Variants in ZNF226 observed in about 807,000 individuals in gnomAD.
ZNF226 encodes the protein Kruppel-associated box protein.
A neutral mutation model predicts 11.4 loss-of-function variants in ZNF226; 6 were observed. The ratio of observed to expected loss-of-function variants is 0.53; its 90% CI spans 0.29 to 1.04. The LOEUF is 1.04. Among genes scored for constraint, ZNF226 ranks in the 50% least tolerant of loss-of-function variants. The pLI is 0.08. For synonymous variants in ZNF226, 350 were observed against 322.8 expected (o/e 1.08, Z -0.90); for missense variants, 1,058 against 956.5 (o/e 1.11, Z -1.40).
chr19:44,172,314 A>G, intron 4 of ZNF226, 100 bp downstream of exon 4: 2 of 1,471,740 alleles, frequency 1.4e-6, no homozygotes, highest in Non-Finnish European at 1.8e-6. Context: ...TGACTTTCCT[A>G]ATTTTTGTGG....
Position 44,173,160 on chromosome 19 carries a change from G to C in ZNF226, c.235+208G>C, listed in dbSNP as rs1970306315. ...AGTGAGTTTTTGTTACCTTGTGTCAGACTATGTTGTTCTTCTGCTCAAAAT... is the reference window on the plus strand; with the variant it reads ...AGTGAGTTTTTGTTACCTTGTGTCACACTATGTTGTTCTTCTGCTCAAAAT... On this transcript the variant is annotated intron_variant, in intron 5 of 5. Transcript: ENST00000337433. 2.6e-5 allele frequency: 15 copies of C among 580,602 alleles called. No individual in the cohort carries two copies. The South Asian group carries it at 3.1e-4, about 12-fold the overall frequency. 36.0% of individuals were successfully genotyped at this position (580,602 alleles called of 1,614,324 possible).
At chr19:44,195,534 CT>C in the ZNF226 span, among the ~76,000 whole-genome samples, 1 of 152,252 alleles carries the variant, frequency 6.6e-6, no homozygotes, top group East Asian at 1.9e-4. Context: ...AAGACAAGGG[CT>C]TTTAAAGAAG....
chr19:44,176,424 GAGA>G lies in ZNF226; in HGVS notation c.1165_1167del (p.Lys389del). On this transcript the variant is annotated inframe_deletion, in exon 6 of 6. Coordinates refer to ENST00000337433, the MANE Select transcript of ZNF226 (RefSeq NM_001032373.2). ...GGACCATCAGAGACTCCACACTGGG[GAGA>G]AGCCATTCAAATGTGATGCATGTGG... The G allele has an allele frequency of 6.2e-7, 1 of 1,614,164 alleles. No homozygotes were observed. Among genetic ancestry groups the G allele is most frequent in the Non-Finnish European group, 8.5e-7 (1 of 1,180,028 alleles).
At chr19:44,170,129 A>G (rs769678062) in intron 3 of ZNF226, 34 bp downstream of exon 3, 24 of 1,608,284 alleles carry the variant, frequency 1.5e-5, no homozygotes, top group Non-Finnish European at 1.8e-5. Flanking sequence ...GCTGTTAAAA[A>G]TACCATTTTA....
chr19:44,189,159 A>G, the ZNF226 span, among the ~76,000 whole-genome samples: 1 of 152,234 alleles, frequency 6.6e-6, no homozygotes, highest in African/African-American at 2.4e-5. Flanking sequence ...TCAAAGCTGT[A>G]GGCCAGCATT....
rs1970692292 is a variant in ZNF226 at position 44,176,480 on chromosome 19, T to G, written c.1218T>G (p.Leu406=). ...AGAGCTTCAGTCGGAATTCACATCT[T>G]CAATCCCATCAAAGAGTTCATACAG... The part of the protein sequence containing the change: ...CGKSFSRNSH[L]QSHQRVHTGE... Residue 406 remains leucine, a synonymous_variant, in exon 6 of 6, where the codon CTT becomes CTG. Transcript: ENST00000337433. 5 of 1,614,116 alleles carry G rather than the reference T, an allele frequency of 3.1e-6. No homozygotes were observed. The South Asian group carries it at 4.4e-5, about 14-fold the overall frequency.
chr19:44,177,103 C>T lies in ZNF226; in HGVS notation c.1841C>T (p.Pro614Leu), dbSNP rs1197870434. The change falls in exon 6 of 6, where the codon CCA becomes CTA. Residue 614 changes from proline (P) to leucine (L), a missense_variant. Coordinates refer to ENST00000337433, the MANE Select transcript of ZNF226 (RefSeq NM_001032373.2). ...IHCRIHTGEK[P>L]YNCEECGKVF... is the part of the protein sequence containing the mutation. ...TGTAGGATCCACACAGGAGAGAAAC[C>T]ATATAATTGTGAGGAGTGTGGGAAG... 1 of 1,613,998 alleles carries T rather than the reference C, an allele frequency of 6.2e-7. No homozygotes were observed. The highest frequency in any genetic ancestry group is 8.5e-7 in the Non-Finnish European group (1 of 1,180,026).
intron 3 of ZNF226, among the ~76,000 whole-genome samples, chr19:44,170,733 C>CA (rs1969997800): frequency 6.6e-6 from 1 of 151,718 alleles, no homozygotes; most frequent in Admixed American, 6.6e-5. Flanking sequence ...GACTCCGTCT[C>CA]AAAAAAATAA....
At chr19:44,175,207 A>G in intron 5 of ZNF226, 1 of 1,412,338 alleles carries the variant, frequency 7.1e-7, no homozygotes, top group South Asian at 1.7e-5. Context: ...TATTGATACC[A>G]TATTATGGTA....
At chr19:44,194,308 ACT>A in the ZNF226 span, among the ~76,000 whole-genome samples, 1 of 152,062 alleles carries the variant, frequency 6.6e-6, no homozygotes, top group East Asian at 1.9e-4. Flanking sequence ...ACAAGGTCTC[ACT>A]CTGTTGCCCA....
rs34967576 is a variant in ZNF226 at position 44,168,998 on chromosome 19, C to CTTTTTTTTTTT, written c.-46-1019_-46-1009dup. Among the ~76,000 whole-genome samples the CTTTTTTTTTTT allele has an allele frequency of 1.8e-4, 16 of 90,804 alleles. 3 individuals are homozygous for CTTTTTTTTTTT. Among genetic ancestry groups the CTTTTTTTTTTT allele is most frequent in the African/African-American group, 7.1e-4 (12 of 16,814 alleles). The allele number at this position is 90,804 out of a possible 152,430, so 59.6% of individuals were successfully genotyped here. On this transcript the variant is annotated intron_variant, in intron 2 of 5. Transcript: ENST00000337433. ...TATAGACTCAGGTTCCTCCCTTTTCCTTTTTTTTTTTTTTTTTTTTTTTTT... is the reference window on the plus strand; with the variant it reads ...TATAGACTCAGGTTCCTCCCTTTTCCTTTTTTTTTTTTTTTTTTTTTTTTTTTTTTTTTTTT...
chr19:44,197,174 A>G, the ZNF226 span, among the ~76,000 whole-genome samples: 1 of 152,156 alleles, frequency 6.6e-6, no homozygotes, highest in Non-Finnish European at 1.5e-5. Flanking sequence ...TAGGCACACT[A>G]CATCCCATGG....
chr19:44,177,747 T>C (rs574039770), downstream of ZNF226: 40 of 1,457,466 alleles, frequency 2.7e-5, no homozygotes, highest in African/African-American at 4.8e-4. Flanking sequence ...CAGCCGTAGC[T>C]CCTCATGTCC....
chr19:44,192,499 T>TA, the ZNF226 span, among the ~76,000 whole-genome samples: 645 of 151,586 alleles, frequency 4.3e-3, 3 homozygotes, highest in Non-Finnish European at 7.6e-3. Context: ...TACGTAGATG[T>TA]AAAAAAAACA....
At chr19:44,182,266 A>T (rs1970916388), downstream of ZNF226, among the ~76,000 whole-genome samples, 1 of 152,152 alleles carries the variant, frequency 6.6e-6, no homozygotes, top group Non-Finnish European at 1.5e-5. Context: ...CTGTTAGGGG[A>T]TGCTCTATGC....
downstream of ZNF226, among the ~76,000 whole-genome samples, chr19:44,181,140 A>G (rs1970900869): frequency 6.6e-6 from 1 of 152,138 alleles, no homozygotes; most frequent in Non-Finnish European, 1.5e-5. Flanking sequence ...GCCCTTTGGG[A>G]GGCTGAGGTG....
At chr19:44,195,027 C>T in the ZNF226 span, among the ~76,000 whole-genome samples, 1 of 152,080 alleles carries the variant, frequency 6.6e-6, no homozygotes, top group Admixed American at 6.5e-5. Flanking sequence ...AATATAAAAC[C>T]GTGTTTGCAG....
At chr19:44,191,489 C>T in the ZNF226 span, among the ~76,000 whole-genome samples, 38 of 151,964 alleles carry the variant, frequency 2.5e-4, no homozygotes, top group East Asian at 6.9e-3. Context: ...ACATTGATTC[C>T]CATACAATTA....
At chr19:44,175,322 T>C in intron 5 of ZNF226, 176 bp from the exon 6 acceptor site, 1 of 1,410,178 alleles carries the variant, frequency 7.1e-7, no homozygotes, top group Non-Finnish European at 9.2e-7. Flanking sequence ...CATCTCTTGG[T>C]TTTGGACCAT....
Sources: allele counts gnomAD v4.1 joint callset (sites outside exome capture counted in the v4.1 genomes callset), GRCh38; gene constraint gnomAD v4.1.1; transcripts MANE v1.5; gene names NCBI Gene and HGNC (gene_info 2026-07-23, HGNC 2026-07-21).